The following MRPL28 variants were observed in gnomAD, a reference collection of about 807,000 sequenced individuals.
MRPL28 encodes mitochondrial ribosomal protein L28, also known as large ribosomal subunit protein bL28m.
A neutral mutation model predicts 26.2 loss-of-function variants in MRPL28; 25 were observed. The ratio of observed to expected loss-of-function variants is 0.95; its 90% CI spans 0.69 to 1.33. The LOEUF is 1.33. MRPL28 is among the 40% of genes most tolerant of loss of function. MRPL28 has a pLI of 0.00. For synonymous variants in MRPL28, 227 were observed against 140.1 expected (o/e 1.62, Z -4.38); for missense variants, 432 against 327.2 (o/e 1.32, Z -2.47).
At chr16:369,304 C>A in intron 2 of MRPL28, 84 bp from the exon 3 acceptor site, 4 of 1,516,734 alleles carry the variant, frequency 2.6e-6, no homozygotes, top group East Asian at 2.3e-5. Flanking sequence ...CTCACCTCCC[C>A]CCCGGAGGCT....
At chr16:369,367 C>G in intron 2 of MRPL28, 147 bp from the exon 3 acceptor site, 6 of 1,067,468 alleles carry the variant, frequency 5.6e-6, no homozygotes, top group Non-Finnish European at 8.0e-6. Context: ...ACTGGGCCGG[C>G]CCCCAGCCCA....
chr16:369,623 C>T (rs1215606240), intron 2 of MRPL28: 2 of 718,672 alleles, frequency 2.8e-6, no homozygotes, highest in Non-Finnish European at 5.2e-6. Flanking sequence ...CCCCCACCTG[C>T]TCTGCTCGCC....
At position 370,225 on chromosome 16, in the gene MRPL28, C is replaced by T. The variant is rs761541208; in HGVS notation, c.-7G>A. The T allele has an allele frequency of 5.0e-5, 79 of 1,567,614 alleles. No homozygotes were observed. Among genetic ancestry groups the T allele is most frequent in the Admixed American group, 2.4e-4 (14 of 57,480 alleles). ...GATACTTGTGTAGAGGCATCGCGAG[C>T]CTGGCGGGAGGTGGGGGCTCGCAGT... On this transcript the variant is annotated splice_region_variant and 5_prime_UTR_variant, in exon 2 of 6. Coordinates refer to ENST00000199706, the MANE Select transcript of MRPL28 (RefSeq NM_006428.5).
Position 369,222 on chromosome 16 carries a change from T to C in MRPL28, c.289-2A>G. 1.2e-6 allele frequency: 2 copies of C among 1,613,800 alleles called. No individual in the cohort carries two copies. The highest frequency in any genetic ancestry group is 1.1e-5 in the South Asian group (1 of 91,084). On this transcript the variant is annotated splice_acceptor_variant, in intron 2 of 5. Transcript: ENST00000199706. LOFTEE classifies it high-confidence loss of function. Reference sequence around the variant, plus strand: ...CACTTTCTTCAGCCTCTTGGAGAGCTGAGGGTGCAACAGAGCCTCCATGAG... The same window carrying C: ...CACTTTCTTCAGCCTCTTGGAGAGCCGAGGGTGCAACAGAGCCTCCATGAG...
intron 4 of MRPL28, 32 bp downstream of exon 4, chr16:368,469 C>T: frequency 1.2e-6 from 2 of 1,612,634 alleles, no homozygotes; most frequent in African/African-American, 2.7e-5. Context: ...CCACGAGTCC[C>T]CAGGTGTAGG....
In MRPL28 at chr16:367,779, G is replaced by A; in HGVS notation, c.667C>T (p.Pro223Ser). Residue 223 changes from proline to serine, a missense_variant, in exon 6 of 6, where the codon CCT becomes TCT. Transcript: ENST00000199706. ...ACATAGATCTTGAACAGGGGTACAG[G>A]GTCCTGAAGGAGAGAGGGGCTCATG... is the stretch of plus-strand genomic sequence containing the variant. The part of the protein sequence containing the change: ...EKQRLLEEKD[P>S]VPLFKIYVAE... The A allele has an allele frequency of 2.5e-6, 4 of 1,613,388 alleles. No individual in the cohort carries two copies. The highest frequency in any genetic ancestry group is 3.4e-6 in the Non-Finnish European group (4 of 1,179,704).
At chr16:368,454 C>A (rs1294974230) in intron 4 of MRPL28, 40 bp from the exon 5 acceptor site, 1 of 1,613,180 alleles carries the variant, frequency 6.2e-7, no homozygotes, top group Non-Finnish European at 8.5e-7. Context: ...AGGCCCAGGG[C>A]CGGGCCACGA....
chr16:367,879 G>T, intron 5 of MRPL28, 97 bp from the exon 6 acceptor site: 1 of 1,005,082 alleles, frequency 9.9e-7, no homozygotes, highest in East Asian at 2.5e-5. Context: ...AGAGGAACCG[G>T]GGCATGAGAG....
Position 369,968 on chromosome 16 carries a change from C to T in MRPL28, c.251G>A (p.Gly84Asp), listed in dbSNP as rs745450539. The T allele has an allele frequency of 6.2e-7, 1 of 1,612,400 alleles. No homozygotes were observed. The highest frequency in any genetic ancestry group is 8.5e-7 in the Non-Finnish European group (1 of 1,179,826). Residue 84 changes from glycine to aspartate, a missense_variant, in exon 2 of 6, where the codon GGC (glycine) becomes GAC (aspartate). Physicochemically the swap from Gly to Asp is moderately conservative, Grantham distance 94. Coordinates refer to ENST00000199706, the MANE Select transcript of MRPL28 (RefSeq NM_006428.5). ...GGCATATATTTGGCCCAGGATCCAG[C>T]CCTCGCCGCCCCACAACCCCCGCTG... ...ESQRGLWGGE[G>D]WILGQIYANN...
Position 369,208 on chromosome 16 carries a change from GC to G in MRPL28, c.300del (p.Arg100SerfsTer2). The G allele has an allele frequency of 2.5e-6, 4 of 1,613,928 alleles. No homozygotes were observed. Among genetic ancestry groups the G allele is most frequent in the Non-Finnish European group, 3.4e-6 (4 of 1,179,908 alleles). On this transcript the variant is annotated frameshift_variant, in exon 3 of 6. Transcript: ENST00000199706. LOFTEE classifies it high-confidence loss of function. The stretch of plus-strand genomic sequence containing the variant: ...AGCTGTGGCTTCCACACTTTCTTCA[GC>G]CTCTTGGAGAGCTGAGGGTGCAACA... ...IYANNDKLSK[R>X]LKKVWKPQLF... is the part of the protein sequence containing the mutation.
At chr16:368,687 C>T in intron 3 of MRPL28, 52 bp from the exon 4 acceptor site, 2 of 1,514,980 alleles carry the variant, frequency 1.3e-6, no homozygotes, top group Non-Finnish European at 1.8e-6. Context: ...CCCCACCTAC[C>T]CTTCCAGCCA....
rs1322260463 is a variant in MRPL28, at chr16:368,385, C to G, written c.606G>C (p.Glu202Asp). 6.2e-7 allele frequency: 1 copy of G among 1,613,856 alleles called. No homozygotes were observed. Among genetic ancestry groups the G allele is most frequent in the South Asian group, 1.1e-5 (1 of 91,092 alleles). Reference sequence around the variant, plus strand: ...CCTCCTCCAGCGTGAGGCCCACCCACTCTGCCTCCTCCTCTGGGATGGCAA... The same window carrying G: ...CCTCCTCCAGCGTGAGGCCCACCCAGTCTGCCTCCTCCTCTGGGATGGCAA... ...KEFAIPEEEA[E>D]WVGLTLEEAI... The change falls in exon 5 of 6, where the codon GAG (glutamate) becomes GAC (aspartate). Residue 202 changes from glutamate to aspartate, a missense_variant. Glu to Asp is a conservative substitution (Grantham distance 45). Transcript: ENST00000199706.
intron 3 of MRPL28, 33 bp downstream of exon 3, chr16:369,035 C>T (rs374403462): frequency 3.1e-6 from 5 of 1,606,338 alleles, no homozygotes; most frequent in African/African-American, 2.7e-5. Flanking sequence ...CATCCCAGAC[C>T]CTGTGTGCAC....
intron 3 of MRPL28, 93 bp downstream of exon 3, chr16:368,975 G>T: frequency 3.5e-6 from 5 of 1,447,290 alleles, no homozygotes; most frequent in Non-Finnish European, 4.7e-6. Flanking sequence ...GCAGATGTCA[G>T]CGTGCCCCGG....
At chr16:370,278 ACTCACCCCCTACCCCGGCCCCCGACT>A (rs2141752270) in intron 1 of MRPL28, 53 bp from the exon 2 acceptor site, 7 of 701,012 alleles carry the variant, frequency 1.0e-5, no homozygotes, top group Non-Finnish European at 1.0e-5. Context: ...GGCCCCCGGC[ACTCACCCCCTACCCCGGCCCCCGACT>A]CTCACCCGCT....
At chr16:367,993 CAG>C (rs1171835673) in intron 5 of MRPL28, among the ~76,000 whole-genome samples, 1 of 152,234 alleles carries the variant, frequency 6.6e-6, no homozygotes, top group Admixed American at 6.5e-5. Flanking sequence ...CATGGATAAA[CAG>C]AGGGAATAGG....
At position 368,483 on chromosome 16, in the gene MRPL28, C is replaced by A. The variant is rs368675352; in HGVS notation, c.576+18G>T. 1 of 1,609,832 alleles carries A rather than the reference C, an allele frequency of 6.2e-7. No individual in the cohort carries two copies. Among genetic ancestry groups the A allele is most frequent in the Non-Finnish European group, 8.5e-7 (1 of 1,177,622 alleles). ...GCCACGAGTCCCCAGGTGTAGGGAG[C>A]GGGACGGAAACCCTCACCTTGTACT... On this transcript the variant is annotated intron_variant, in intron 4 of 5. Transcript: ENST00000199706.
intron 3 of MRPL28, 159 bp downstream of exon 3, chr16:368,909 G>T: frequency 2.8e-6 from 3 of 1,088,400 alleles, no homozygotes; most frequent in Non-Finnish European, 3.9e-6. Flanking sequence ...AAACCCCACT[G>T]GTGCTGGCCA....
rs558103742 is a variant in MRPL28, at chr16:368,048, G to A, written c.664-266C>T. 3.9e-5 allele frequency among the ~76,000 whole-genome samples: 6 copies of A among 152,378 alleles called. No homozygotes were observed. In the East Asian group the frequency reaches 1.2e-3, roughly 29 times the overall value. On this transcript the variant is annotated intron_variant, in intron 5 of 5. Coordinates refer to ENST00000199706, the MANE Select transcript of MRPL28 (RefSeq NM_006428.5). ...CCATCAGGGGCTCCCTGTCCTGACA[G>A]CTACCTCAGGCTCCAGACCCTGGGA...
Sources: allele counts gnomAD v4.1 joint callset (sites outside exome capture counted in the v4.1 genomes callset), GRCh38; gene constraint gnomAD v4.1.1; transcripts MANE v1.5; gene names NCBI Gene and HGNC (gene_info 2026-07-23, HGNC 2026-07-21).